RBL1: variants seen among roughly 807,000 people sequenced by gnomAD.
The protein encoded by RBL1 is RB transcriptional corepressor like 1, also known as retinoblastoma-like protein 1.
A neutral mutation model predicts 123.0 loss-of-function variants in RBL1; 82 were observed. The ratio of observed to expected loss-of-function variants is 0.67; its 90% CI spans 0.56 to 0.80. The LOEUF is 0.80. RBL1 is among the 30% of genes least tolerant of loss of function. RBL1 has a pLI of 0.00. For missense variants in RBL1, 1,171 were observed against 1,299.6 expected (o/e 0.90, Z 1.52); for synonymous variants, 405 against 441.3 (o/e 0.92, Z 1.03).
chr20:37,011,639 C>G (rs538904487), intron 19 of RBL1, among the ~76,000 whole-genome samples: 1 of 151,538 alleles, frequency 6.6e-6, no homozygotes, highest in East Asian at 1.9e-4. Flanking sequence ...TTCACCATGT[C>G]GGCAAGACTG....
intron 14 of RBL1, among the ~76,000 whole-genome samples, chr20:37,037,981 G>A (rs1227677383): frequency 2.3e-4 from 33 of 145,252 alleles, no homozygotes; most frequent in African/African-American, 3.6e-4. Flanking sequence ...CACTGCGCCC[G>A]GCCATTGTTT....
chr20:37,041,329 A>T (rs550711567), intron 13 of RBL1, among the ~76,000 whole-genome samples: 3 of 152,176 alleles, frequency 2.0e-5, no homozygotes, highest in Non-Finnish European at 4.4e-5. Flanking sequence ...TTATTCATTT[A>T]ATTTTTTTTT....
rs6130356 is a variant in RBL1, at chr20:37,022,904, G to C, written c.2383-78C>G. The C allele has an allele frequency of 4.0e-3, 4,695 of 1,185,000 alleles. 163 individuals are homozygous for C. The East Asian group carries it at 0.074, about 19-fold the overall frequency. 73.4% of individuals were successfully genotyped at this position (1,185,000 alleles called of 1,614,324 possible). ...AATTTTTATGTCTTACCAAGACCAA[G>C]ATTAAAAAACATAGGCTGTTGATAT... On this transcript the variant is annotated intron_variant, in intron 16 of 21. Transcript: ENST00000373664.
Position 37,065,446 on chromosome 20 carries a change from G to A in RBL1, c.874C>T (p.Leu292Phe). Reference protein sequence around the residue: ...KILKGECLLDLSSFTDNSKAV... With the variant: ...KILKGECLLDFSSFTDNSKAV... Reference sequence around the variant, plus strand: ...TACCTATTATCAGTAAAACTTGAAAGGTCCAGGAGGCATTCTCCTTTTAAT... The same window carrying A: ...TACCTATTATCAGTAAAACTTGAAAAGTCCAGGAGGCATTCTCCTTTTAAT... Residue 292 changes from leucine (L) to phenylalanine (F), a missense_variant, in exon 7 of 22, where the codon CTT (leucine) becomes TTT (phenylalanine). By Grantham distance (22) the Leu-to-Phe change is conservative (BLOSUM62 0). Coordinates refer to ENST00000373664, the MANE Select transcript of RBL1 (RefSeq NM_002895.5). 6.3e-7 allele frequency: 1 copy of A among 1,594,346 alleles called. No homozygotes were observed.
chr20:37,050,144 G>A (rs1047649074), intron 11 of RBL1, among the ~76,000 whole-genome samples: 20 of 151,824 alleles, frequency 1.3e-4, no homozygotes, highest in Admixed American at 1.1e-3. Flanking sequence ...AGAAAATTTC[G>A]AATAAATCTA....
chr20:37,050,867 A>T (rs1048075241), intron 11 of RBL1, among the ~76,000 whole-genome samples: 1 of 151,984 alleles, frequency 6.6e-6, no homozygotes, highest in Admixed American at 6.6e-5. Flanking sequence ...GAAAAAAAAA[A>T]CAGGTCACAT....
In RBL1 at chr20:37,065,432, A is replaced by G; in HGVS notation, c.888T>C (p.Thr296=). ...TAGTACTAGATATTTACCTATTATC[A>G]GTAAAACTTGAAAGGTCCAGGAGGC... ...GECLLDLSSF[T]DNSKAVNKEY... Residue 296 remains threonine, a synonymous_variant, in exon 7 of 22, where the codon ACT becomes ACC. Coordinates refer to ENST00000373664, the MANE Select transcript of RBL1 (RefSeq NM_002895.5). 2 of 1,586,670 alleles carry G rather than the reference A, an allele frequency of 1.3e-6. No homozygotes were observed. The highest frequency in any genetic ancestry group is 1.7e-6 in the Non-Finnish European group (2 of 1,162,180).
chr20:37,039,235 GCATT>G lies in RBL1; in HGVS notation c.1903+914_1903+917del, dbSNP rs144410117. Among the ~76,000 whole-genome samples the G allele has an allele frequency of 7.9e-3, 1,210 of 152,300 alleles. 12 individuals are homozygous for G. Among genetic ancestry groups the G allele is most frequent in the African/African-American group, 0.028 (1,161 of 41,560 alleles). On this transcript the variant is annotated intron_variant, in intron 14 of 21. Transcript: ENST00000373664. Reference sequence around the variant, plus strand: ...TAACTAGTTTATTAGATGAACTTAAGCATTCCAAAGAGAATACAAATTTTATTTT... The same window carrying G: ...TAACTAGTTTATTAGATGAACTTAAGCCAAAGAGAATACAAATTTTATTTT...
chr20:36,997,185 A>G lies in RBL1; in HGVS notation c.*1574T>C, dbSNP rs929688615. 6.6e-6 allele frequency: 1 copy of G among 152,180 alleles called. No individual in the cohort carries two copies. Among genetic ancestry groups the G allele is most frequent in the Non-Finnish European group, 1.5e-5 (1 of 68,042 alleles). 9.4% of individuals were successfully genotyped at this position (152,180 alleles called of 1,614,324 possible). A position where few individuals can be genotyped will look rare whatever the true frequency, so the allele number is the denominator to read the frequency against. ...AGAAAAAGTAAACGTTAAAGAGGTG[A>G]TATTTTGGAAAGCATCCCTAGTACT... is the stretch of plus-strand genomic sequence containing the variant. On this transcript the variant is annotated 3_prime_UTR_variant, in exon 22 of 22. Coordinates refer to ENST00000373664, the MANE Select transcript of RBL1 (RefSeq NM_002895.5).
At chr20:37,044,033 G>GGT in intron 13 of RBL1, 53 bp downstream of exon 13, 1 of 912,710 alleles carries the variant, frequency 1.1e-6, no homozygotes, top group African/African-American at 2.0e-5. Context: ...AATAAAGCTG[G>GGT]TTTTTTTTTT....
intron 2 of RBL1, among the ~76,000 whole-genome samples, chr20:37,072,637 T>C (rs566881558): frequency 1.4e-3 from 208 of 152,356 alleles, no homozygotes; most frequent in African/African-American, 4.8e-3. Context: ...GATGAAGGCA[T>C]ATAATCTGAT....
intron 19 of RBL1, among the ~76,000 whole-genome samples, chr20:37,017,012 G>C (rs1169041720): frequency 2.0e-5 from 3 of 151,776 alleles, no homozygotes; most frequent in African/African-American, 7.3e-5. Flanking sequence ...GACGAGACGA[G>C]ACGAGACAAG....
At chr20:37,070,027 G>C (rs1029054099) in intron 2 of RBL1, among the ~76,000 whole-genome samples, 1 of 152,172 alleles carries the variant, frequency 6.6e-6, no homozygotes, top group East Asian at 1.9e-4. Flanking sequence ...TGGAATAGAA[G>C]GGCGGGAAAG....
intron 3 of RBL1, among the ~76,000 whole-genome samples, chr20:37,067,558 TAGG>T (rs987954666): frequency 1.3e-5 from 2 of 151,540 alleles, no homozygotes; most frequent in Non-Finnish European, 2.9e-5. Flanking sequence ...CACCTGAGGT[TAGG>T]AGTTCGAGAC....
intron 2 of RBL1, among the ~76,000 whole-genome samples, chr20:37,074,480 T>G (rs188772149): frequency 6.7e-6 from 1 of 148,288 alleles, no homozygotes; most frequent in African/African-American, 2.5e-5. Flanking sequence ...AGCAAGTACA[T>G]GAAAAGGTGC....
chr20:37,088,649 G>C (rs2065594194), intron 2 of RBL1, among the ~76,000 whole-genome samples: 1 of 151,524 alleles, frequency 6.6e-6, no homozygotes, highest in Non-Finnish European at 1.5e-5. Flanking sequence ...GAGGTCAGGA[G>C]TTCGAGAACA....
At chr20:37,015,080 AAAAG>A (rs1555849406) in intron 19 of RBL1, among the ~76,000 whole-genome samples, 23 of 150,712 alleles carry the variant, frequency 1.5e-4, no homozygotes, top group East Asian at 9.7e-4. Context: ...AAAAAAAAAA[AAAAG>A]AAAGAAAGAA....
chr20:37,021,498 G>A (rs974466937), intron 17 of RBL1, among the ~76,000 whole-genome samples: 2 of 150,546 alleles, frequency 1.3e-5, no homozygotes, highest in Admixed American at 6.6e-5. Context: ...AGGCTGGAGT[G>A]CAGTGGCATG....
chr20:37,046,094 TAA>T (rs2064815450), intron 12 of RBL1, among the ~76,000 whole-genome samples: 2 of 152,096 alleles, frequency 1.3e-5, no homozygotes, highest in African/African-American at 4.8e-5. Flanking sequence ...GCAAGAAAAA[TAA>T]AGGTAAGGTA....
Sources: gnomAD v4.1 joint callset for allele counts (sites outside exome capture counted in the v4.1 genomes callset) on GRCh38, gnomAD v4.1.1 for gene constraint, MANE v1.5 for transcripts, NCBI Gene and HGNC (gene_info 2026-07-23, HGNC 2026-07-21) for gene names.